Variants in PDSS1 observed in about 807,000 individuals in gnomAD.
PDSS1 encodes all trans-polyprenyl-diphosphate synthase PDSS1.
A neutral mutation model predicts 57.5 loss-of-function variants in PDSS1; 43 were observed. That is an observed-to-expected ratio of 0.75 (90% confidence interval 0.59 to 0.96). The LOEUF (loss-of-function observed/expected upper bound fraction) is 0.96, where lower values mean the gene tolerates loss of function less well. Among genes scored for constraint, PDSS1 ranks in the 50% least tolerant of loss-of-function variants. The pLI is 0.00. For synonymous variants in PDSS1, 175 were observed against 191.3 expected, an observed-to-expected ratio of 0.91 and a Z score of 0.70; for missense variants, 438 against 527.8, an observed-to-expected ratio of 0.83 and a Z score of 1.67.
At chr10:26,697,904 C>A in intron 1 of PDSS1, 64 bp downstream of exon 1, 2 of 1,224,702 alleles carry the variant, frequency 1.6e-6, no homozygotes, top group South Asian at 2.9e-5. Flanking sequence ...CAGCAGTGGG[C>A]GGAATGAATG....
At chr10:26,704,546 C>T in intron 2 of PDSS1, 131 bp from the exon 3 acceptor site, 2 of 621,970 alleles carry the variant, frequency 3.2e-6, no homozygotes, top group Non-Finnish European at 2.9e-6. Context: ...ATTATTCTTC[C>T]TCTAAAGTTT....
At chr10:26,731,960 C>T (rs1836221178) in intron 8 of PDSS1, among the ~76,000 whole-genome samples, 1 of 152,156 alleles carries the variant, frequency 6.6e-6, no homozygotes, top group African/African-American at 2.4e-5. Context: ...CCCAGCCCTT[C>T]CCAGTCTCGT....
At chr10:26,744,368 TTTTATTTTTA>T (rs1274655836) in intron 11 of PDSS1, among the ~76,000 whole-genome samples, 2 of 150,848 alleles carry the variant, frequency 1.3e-5, no homozygotes, top group Non-Finnish European at 2.9e-5. Context: ...CACTATTTTA[TTTTATTTTTA>T]TTTTATTATT....
chr10:26,701,796 G>A (rs541780729), intron 1 of PDSS1: 33 of 453,958 alleles, frequency 7.3e-5, no homozygotes, highest in African/African-American at 4.4e-4. Context: ...GAGGGCCACC[G>A]TGCTCTAGAC....
chr10:26,720,240 G>A lies in PDSS1; in HGVS notation c.490G>A (p.Ala164Thr), dbSNP rs374748493. ...NSRHVQASQR[A>T]IALIAEMIHT... ...TAGACATGTGCAAGCCAGCCAGCGC[G>A]CCATAGCCTTAATTGCAGAAATGAT... Residue 164 changes from alanine to threonine, a missense_variant, in exon 6 of 12, where the codon GCC (alanine) becomes ACC (threonine). Transcript: ENST00000376215. 9.3e-6 allele frequency: 15 copies of A among 1,612,952 alleles called. No homozygotes were observed. The South Asian group carries it at 1.3e-4, about 14-fold the overall frequency.
At chr10:26,709,486 G>A (rs549825613) in intron 4 of PDSS1, 152 bp from the exon 5 acceptor site, 39 of 726,792 alleles carry the variant, frequency 5.4e-5, no homozygotes, top group Middle Eastern at 4.0e-4. Flanking sequence ...GCATGAACCC[G>A]GGAGGCGGAG....
At position 26,735,455 on chromosome 10, in the gene PDSS1, C is replaced by T. The variant is rs1306776986; in HGVS notation, c.913-11C>T. The stretch of plus-strand genomic sequence containing the variant: ...GCGGTGCTCCTTACATCCCATTTTT[C>T]CTTTTGCCAGCTAATAGATGATGTA... On this transcript the variant is annotated splice_polypyrimidine_tract_variant and intron_variant, in intron 9 of 11. Coordinates refer to ENST00000376215, the MANE Select transcript of PDSS1 (RefSeq NM_014317.5). 5.7e-6 allele frequency: 9 copies of T among 1,576,320 alleles called. No individual in the cohort carries two copies. The African/African-American group carries it at 1.2e-4, about 21-fold the overall frequency.
At chr10:26,723,369 G>A (rs1286124885) in intron 6 of PDSS1, among the ~76,000 whole-genome samples, 2 of 152,176 alleles carry the variant, frequency 1.3e-5, no homozygotes, top group Non-Finnish European at 2.9e-5. Flanking sequence ...TTTTGGTGGG[G>A]CTGGTGAGTG....
At chr10:26,703,681 T>G (rs1001173445) in intron 2 of PDSS1, among the ~76,000 whole-genome samples, 1 of 152,190 alleles carries the variant, frequency 6.6e-6, no homozygotes, top group Non-Finnish European at 1.5e-5. Flanking sequence ...GCCTGGGATA[T>G]CATGAAAGTT....
chr10:26,719,331 C>T (rs759574523), intron 5 of PDSS1, among the ~76,000 whole-genome samples: 3 of 152,202 alleles, frequency 2.0e-5, no homozygotes, highest in Non-Finnish European at 4.4e-5. Flanking sequence ...GTCCTGTCTT[C>T]TTGAGCCTAC....
intron 1 of PDSS1, among the ~76,000 whole-genome samples, chr10:26,699,395 TTC>T (rs201029185): frequency 0.02 from 2,447 of 122,318 alleles, 58 homozygotes; most frequent in African/African-American, 0.065. Context: ...CTTCTTCTTC[TTC>T]TTTTTTTTTT....
At chr10:26,710,045 T>C (rs542197470) in intron 5 of PDSS1, among the ~76,000 whole-genome samples, 100 of 151,458 alleles carry the variant, frequency 6.6e-4, no homozygotes, top group Non-Finnish European at 1.2e-3. Context: ...TCCCAGCTAC[T>C]TGGGAGGCTG....
At chr10:26,724,937 T>C (rs1339989497) in intron 8 of PDSS1, among the ~76,000 whole-genome samples, 3 of 152,330 alleles carry the variant, frequency 2.0e-5, no homozygotes, top group African/African-American at 7.2e-5. Context: ...ACAAGTCCTA[T>C]TTCTTCAGAG....
chr10:26,702,713 T>C lies in PDSS1; in HGVS notation c.162+519T>C, dbSNP rs1440543210. ...TCGTTTCTAAAAATCAGCTACGCAT[T>C]GTGGCATGTTCCTGTAGTCCCAGCT... On this transcript the variant is annotated intron_variant, in intron 2 of 11. Coordinates refer to ENST00000376215, the MANE Select transcript of PDSS1 (RefSeq NM_014317.5). 2.0e-5 allele frequency among the ~76,000 whole-genome samples: 3 copies of C among 152,160 alleles called. No individual in the cohort carries two copies. The East Asian group carries it at 5.8e-4, about 29-fold the overall frequency.
intron 1 of PDSS1, among the ~76,000 whole-genome samples, chr10:26,699,705 C>A (rs549833628): frequency 2.8e-4 from 42 of 152,174 alleles, no homozygotes; most frequent in African/African-American, 1.0e-3. Flanking sequence ...CCTGACACTT[C>A]TTTTTAAAAA....
chr10:26,718,611 A>G (rs529511494), intron 5 of PDSS1: 1 of 152,202 alleles, frequency 6.6e-6, no homozygotes, highest in African/African-American at 2.4e-5. Context: ...AAATACAAAC[A>G]TTAGCTGGAT....
intron 8 of PDSS1, among the ~76,000 whole-genome samples, chr10:26,731,213 T>C (rs1043642268): frequency 8.6e-5 from 13 of 151,678 alleles, no homozygotes; most frequent in African/African-American, 2.7e-4. Context: ...TGGTGGTGGG[T>C]GCCTGTAATC....
chr10:26,727,038 G>A lies in PDSS1; in HGVS notation c.831+2915G>A, dbSNP rs554375503. 4.0e-5 allele frequency among the ~76,000 whole-genome samples: 6 copies of A among 148,682 alleles called. No homozygotes were observed. In the South Asian group the frequency reaches 1.3e-3, roughly 33 times the overall value. Reference sequence around the variant, plus strand: ...GATCACTCCACTGCATTCCAGCCTGGGCAATAGAGCGAGAGTCTCTCAAAA... The same window carrying A: ...GATCACTCCACTGCATTCCAGCCTGAGCAATAGAGCGAGAGTCTCTCAAAA... On this transcript the variant is annotated intron_variant, in intron 8 of 11. Transcript: ENST00000376215.
intron 8 of PDSS1, among the ~76,000 whole-genome samples, chr10:26,728,258 G>A (rs1836032345): frequency 6.6e-6 from 1 of 152,266 alleles, no homozygotes; most frequent in Middle Eastern, 3.4e-3. Flanking sequence ...TTGGGAGGCC[G>A]AGGCAGGTAG....
Sources: allele counts gnomAD v4.1 joint callset (sites outside exome capture counted in the v4.1 genomes callset), GRCh38; gene constraint gnomAD v4.1.1; transcripts MANE v1.5; gene names NCBI Gene and HGNC (gene_info 2026-07-23, HGNC 2026-07-21).